FOXP2: variants seen among roughly 807,000 people sequenced by gnomAD.
FOXP2 encodes forkhead box P2, also known as forkhead box protein P2.
Under a neutral mutation model 115.8 loss-of-function variants are expected in FOXP2, and 12 were observed. The observed-to-expected ratio is 0.10, with a 90% CI of 0.07 to 0.17. FOXP2 has a LOEUF of 0.17. Ranked by LOEUF, FOXP2 falls within the 10% of genes least tolerant of loss-of-function variation. FOXP2 has a pLI of 1.00. For missense variants in FOXP2, 629 were observed against 843.5 expected (o/e 0.75, Z 3.15); for synonymous variants, 328 against 297.7 (o/e 1.10, Z -1.05).
chr7:114,086,460 G>A (rs927364998), upstream of FOXP2: 19 of 342,710 alleles, frequency 5.5e-5, no homozygotes, highest in Non-Finnish European at 9.1e-5. Context: ...TCCGCTGGCT[G>A]CGGCTTCCTC....
At chr7:114,403,351 A>G (rs1792940004) in intron 2 of FOXP2, among the ~76,000 whole-genome samples, 1 of 152,218 alleles carries the variant, frequency 6.6e-6, no homozygotes, top group Non-Finnish European at 1.5e-5. Context: ...AATTGATATG[A>G]GATTGTATAG....
chr7:114,633,880 A>T (rs923053966), intron 6 of FOXP2, among the ~76,000 whole-genome samples: 6 of 152,192 alleles, frequency 3.9e-5, no homozygotes, highest in African/African-American at 1.4e-4. Flanking sequence ...ATCAGTTTCC[A>T]GTTCACTTTT....
intron 2 of FOXP2, among the ~76,000 whole-genome samples, chr7:114,517,161 T>A (rs1224797385): frequency 2.6e-5 from 4 of 152,170 alleles, no homozygotes; most frequent in Non-Finnish European, 5.9e-5. Context: ...TTGTAAAATG[T>A]CTATTCAGTT....
intron 2 of FOXP2, among the ~76,000 whole-genome samples, chr7:114,344,874 A>G (rs995044997): frequency 2.6e-5 from 4 of 151,816 alleles, no homozygotes; most frequent in Non-Finnish European, 5.9e-5. Flanking sequence ...TACACGATCT[A>G]GTGGACATAC....
intron 1 of FOXP2, among the ~76,000 whole-genome samples, chr7:114,176,298 T>TCTCTC (rs1554426475): frequency 3.4e-4 from 26 of 76,560 alleles, no homozygotes; most frequent in East Asian, 1.9e-3. Context: ...CTTTCTTTCT[T>TCTCTC]TCTCTCTCTC....
chr7:114,635,796 G>A (rs765952581), intron 6 of FOXP2, among the ~76,000 whole-genome samples: 14 of 152,108 alleles, frequency 9.2e-5, no homozygotes, highest in Admixed American at 3.9e-4. Context: ...CTCGAAAGCA[G>A]TGTGTCAACT....
At chr7:114,628,458 G>C (rs905642950) in intron 3 of FOXP2, 82 bp from the exon 4 acceptor site, 2 of 1,558,356 alleles carry the variant, frequency 1.3e-6, no homozygotes, top group African/African-American at 1.4e-5. Context: ...ATTTATAAAA[G>C]ATAACATACT....
intron 1 of FOXP2, among the ~76,000 whole-genome samples, chr7:114,177,843 A>C (rs1793356970): frequency 6.6e-6 from 1 of 151,932 alleles, no homozygotes; most frequent in African/African-American, 2.4e-5. Context: ...AGCAATTTTC[A>C]TGTATACAAT....
intron 2 of FOXP2, among the ~76,000 whole-genome samples, chr7:114,444,139 T>TA (rs1052740615): frequency 6.6e-6 from 1 of 152,172 alleles, no homozygotes; most frequent in Non-Finnish European, 1.5e-5. Flanking sequence ...CAAAAGAACC[T>TA]AGTGTCACTA....
At chr7:114,660,141 A>G (rs1189458675) in intron 13 of FOXP2, among the ~76,000 whole-genome samples, 2 of 152,154 alleles carry the variant, frequency 1.3e-5, no homozygotes, top group Non-Finnish European at 1.5e-5. Context: ...ACTCAGCTGG[A>G]ACTAAAAGAA....
chr7:114,118,537 T>A (rs773613764), intron 1 of FOXP2, among the ~76,000 whole-genome samples: 1 of 151,206 alleles, frequency 6.6e-6, no homozygotes, highest in Non-Finnish European at 1.5e-5. Context: ...CTCATAGGAA[T>A]AAATTTAATA....
intron 2 of FOXP2, among the ~76,000 whole-genome samples, chr7:114,401,074 AG>A (rs1792877709): frequency 6.6e-6 from 1 of 152,108 alleles, no homozygotes; most frequent in South Asian, 2.1e-4. Context: ...GGGAATGTAG[AG>A]GGTGAGGAAC....
intron 16 of FOXP2, among the ~76,000 whole-genome samples, chr7:114,678,545 C>CTA (rs1475291523): frequency 2.7e-5 from 2 of 73,310 alleles, no homozygotes; most frequent in African/African-American, 7.2e-5. Context: ...AAATAAGTGA[C>CTA]TCTTTTTTTT....
chr7:114,377,510 A>G (rs1176098967), intron 2 of FOXP2, among the ~76,000 whole-genome samples: 3 of 152,238 alleles, frequency 2.0e-5, no homozygotes, highest in Admixed American at 6.5e-5. Flanking sequence ...GAGAAGAACT[A>G]TTTAGCATTA....
chr7:114,509,031 G>A (rs986191098), intron 2 of FOXP2, among the ~76,000 whole-genome samples: 22 of 152,042 alleles, frequency 1.4e-4, no homozygotes, highest in African/African-American at 4.3e-4. Flanking sequence ...AGAGATTCTA[G>A]ACAGAGGGAA....
At position 114,607,924 on chromosome 7, in the gene FOXP2, A is replaced by G. The variant is rs533867132; in HGVS notation, c.259-20616A>G. 5.3e-5 allele frequency among the ~76,000 whole-genome samples: 8 copies of G among 152,346 alleles called. No individual in the cohort carries two copies. The South Asian group carries it at 1.7e-3, about 32-fold the overall frequency. On this transcript the variant is annotated intron_variant, in intron 3 of 16. Coordinates refer to ENST00000350908, the MANE Select transcript of FOXP2 (RefSeq NM_014491.4). ...ATTTCTTATAATTTTACAATTTTTT[A>G]TCAATTATACAGGTGGGGGAAGGAG...
intron 2 of FOXP2, among the ~76,000 whole-genome samples, chr7:114,427,024 C>T (rs1186502889): frequency 7.3e-5 from 11 of 151,628 alleles, no homozygotes; most frequent in Non-Finnish European, 1.2e-4. Context: ...CAGAGGGCCA[C>T]ATTACTTGAT....
intron 6 of FOXP2, 114 bp downstream of exon 6, chr7:114,631,819 A>G (rs894096780): frequency 5.8e-5 from 61 of 1,056,982 alleles, no homozygotes; most frequent in Non-Finnish European, 7.5e-5. Context: ...CAAATTTATT[A>G]TTAAAACGTG....
chr7:114,089,636 A>T (rs963955645), intron 1 of FOXP2, among the ~76,000 whole-genome samples: 2 of 151,840 alleles, frequency 1.3e-5, no homozygotes, highest in South Asian at 2.1e-4. Flanking sequence ...TGCACTTCTT[A>T]TATTGCAGTG....
Sources: gnomAD v4.1 joint callset for allele counts (sites outside exome capture counted in the v4.1 genomes callset) on GRCh38, gnomAD v4.1.1 for gene constraint, MANE v1.5 for transcripts, NCBI Gene and HGNC (gene_info 2026-07-23, HGNC 2026-07-21) for gene names.